The following ENKUR variants were observed in gnomAD, a reference collection of about 807,000 sequenced individuals.
ENKUR encodes the protein enkurin, TRPC channel interacting protein, also known as enkurin.
In ENKUR, 19 loss-of-function variants were observed where a neutral mutation model predicts 27.6. The ratio of observed to expected loss-of-function variants is 0.69; its 90% CI spans 0.48 to 1.01. The LOEUF is 1.01. Among genes scored for constraint, ENKUR ranks in the 50% least tolerant of loss-of-function variants. The pLI is 0.00. For missense variants in ENKUR, 312 were observed against 310.5 expected, an observed-to-expected ratio of 1.00 and a Z score of -0.04; for synonymous variants, 117 against 96.9, an observed-to-expected ratio of 1.21 and a Z score of -1.22.
chr10:25,017,256 C>T (rs1850619874), upstream of ENKUR, among the ~76,000 whole-genome samples: 1 of 152,160 alleles, frequency 6.6e-6, no homozygotes, highest in African/African-American at 2.4e-5. Flanking sequence ...CGGTTTTATT[C>T]CTTTTTGTTC....
At chr10:25,006,955 C>T (rs1850325269) in intron 1 of ENKUR, among the ~76,000 whole-genome samples, 6 of 152,092 alleles carry the variant, frequency 3.9e-5, no homozygotes, top group Admixed American at 3.3e-4. Context: ...ATAACTGGCA[C>T]GTTTTAAATT....
chr10:25,024,595 A>G, intron 2 of ENKUR: 1 of 1,614,196 alleles, frequency 6.2e-7, no homozygotes, highest in East Asian at 2.2e-5. Context: ...TGGCTTTCTT[A>G]CTGTGGAATA....
intron 2 of ENKUR, among the ~76,000 whole-genome samples, chr10:24,997,006 G>A (rs1026140677): frequency 2.0e-5 from 3 of 152,178 alleles, no homozygotes; most frequent in African/African-American, 7.2e-5. Flanking sequence ...AACACGTAAA[G>A]ATACAGAGAA....
intron 3 of ENKUR, among the ~76,000 whole-genome samples, chr10:24,991,593 G>C (rs1258393933): frequency 6.6e-6 from 1 of 152,162 alleles, no homozygotes; most frequent in Non-Finnish European, 1.5e-5. Flanking sequence ...GGTGGGAGGA[G>C]AGCCCGGGCC....
intron 2 of ENKUR, among the ~76,000 whole-genome samples, chr10:25,022,879 T>C (rs1283818142): frequency 1.3e-5 from 2 of 152,198 alleles, no homozygotes; most frequent in Non-Finnish European, 2.9e-5. Flanking sequence ...TTTAAAAGCA[T>C]CTACAATCTG....
intron 1 of ENKUR, 80 bp from the exon 2 acceptor site, chr10:24,999,626 C>T (rs900816901): frequency 1.6e-6 from 2 of 1,260,906 alleles, no homozygotes; most frequent in Admixed American, 4.6e-5. Flanking sequence ...TTAAATCTTA[C>T]ATTTTTAATT....
At chr10:24,991,927 A>T (rs1036824981) in intron 3 of ENKUR, among the ~76,000 whole-genome samples, 1 of 152,180 alleles carries the variant, frequency 6.6e-6, no homozygotes, top group African/African-American at 2.4e-5. Flanking sequence ...TCAGAGCCTC[A>T]CAACCTGCCC....
chr10:25,007,548 C>A (rs1257561983), intron 1 of ENKUR, among the ~76,000 whole-genome samples: 1 of 152,200 alleles, frequency 6.6e-6, no homozygotes, highest in Admixed American at 6.5e-5. Context: ...CATTCTCCTG[C>A]CTCAGCCTCC....
chr10:25,047,346 C>T (rs1343277186), intron 2 of ENKUR, among the ~76,000 whole-genome samples: 1 of 152,138 alleles, frequency 6.6e-6, no homozygotes, highest in East Asian at 1.9e-4. Context: ...TAATTGTGGG[C>T]AGGGAAAGCA....
intron 1 of ENKUR, among the ~76,000 whole-genome samples, chr10:25,005,712 T>C (rs1850298314): frequency 6.6e-6 from 1 of 152,218 alleles, no homozygotes. Flanking sequence ...ATCAAGTAAC[T>C]AAATTTTCAA....
chr10:25,031,351 A>G (rs1183638235), intron 2 of ENKUR, among the ~76,000 whole-genome samples: 1 of 152,086 alleles, frequency 6.6e-6, no homozygotes, highest in African/African-American at 2.4e-5. Flanking sequence ...ATGTAAAGAT[A>G]CTTGGCGCGG....
chr10:25,061,353 AT>A, exon 2 of ENKUR: 1 of 574,062 alleles, frequency 1.7e-6, no homozygotes. Context: ...CTTCTGTTCC[AT>A]TTTGCTTCAT....
At chr10:25,040,030 CTGT>C (rs1484408272) in intron 2 of ENKUR, among the ~76,000 whole-genome samples, 5 of 5,366 alleles carry the variant, frequency 9.3e-4, no homozygotes, top group Non-Finnish European at 1.7e-3. Flanking sequence ...CTCTGTGTGT[CTGT>C]CCTCTCTCTT....
At chr10:24,990,376 T>C in intron 4 of ENKUR, 87 bp downstream of exon 4, 1 of 1,486,700 alleles carries the variant, frequency 6.7e-7, no homozygotes, top group Non-Finnish European at 9.0e-7. Context: ...ATCCAAGTGC[T>C]GACTTTAATC....
At chr10:25,029,112 C>T (rs944667597) in intron 2 of ENKUR, among the ~76,000 whole-genome samples, 3 of 152,062 alleles carry the variant, frequency 2.0e-5, no homozygotes, top group Non-Finnish European at 4.4e-5. Context: ...TTCTTGTATC[C>T]AATAGATATA....
intron 2 of ENKUR, among the ~76,000 whole-genome samples, chr10:25,037,827 G>A (rs895608209): frequency 2.0e-5 from 3 of 152,058 alleles, no homozygotes; most frequent in Non-Finnish European, 4.4e-5. Context: ...TTCAGCTTTA[G>A]CATTTATATG....
At chr10:25,022,842 A>G (rs1400561749) in intron 2 of ENKUR, among the ~76,000 whole-genome samples, 1 of 152,216 alleles carries the variant, frequency 6.6e-6, no homozygotes, top group Non-Finnish European at 1.5e-5. Flanking sequence ...GAAAAGAAAT[A>G]GTAATTTGAT....
rs543829064 is a variant in ENKUR, at chr10:24,998,796, C to T, written c.223+605G>A. On this transcript the variant is annotated intron_variant, in intron 2 of 5. Coordinates refer to ENST00000331161, the MANE Select transcript of ENKUR (RefSeq NM_145010.4). ...TGAGGCCCAGTAAAAAATAAAAACA[C>T]AAGGCTACTTGATCAAAAATTAAAA... 4.6e-5 allele frequency among the ~76,000 whole-genome samples: 7 copies of T among 152,132 alleles called. No homozygotes were observed. In the South Asian group the frequency reaches 1.5e-3, roughly 32 times the overall value.
chr10:24,993,699 C>T, intron 3 of ENKUR, among the ~76,000 whole-genome samples: 1 of 152,192 alleles, frequency 6.6e-6, no homozygotes, highest in East Asian at 1.9e-4. Flanking sequence ...ATTGCTTAGT[C>T]AGCAACACCA....
Sources: gnomAD v4.1 joint callset for allele counts (sites outside exome capture counted in the v4.1 genomes callset) on GRCh38, gnomAD v4.1.1 for gene constraint, MANE v1.5 for transcripts, NCBI Gene and HGNC (gene_info 2026-07-23, HGNC 2026-07-21) for gene names.